Variants in AMOTL1 observed in about 807,000 individuals in gnomAD.
AMOTL1 encodes the protein angiomotin-like protein 1.
Under a neutral mutation model 102.9 loss-of-function variants are expected in AMOTL1, and 45 were observed. The ratio of observed to expected loss-of-function variants is 0.44; its 90% CI spans 0.34 to 0.56. The LOEUF (loss-of-function observed/expected upper bound fraction) is 0.56. Among genes scored for constraint, AMOTL1 ranks in the 20% least tolerant of loss-of-function variants. The probability of loss-of-function intolerance (pLI) is 0.01; values close to 1 mark genes in which losing one functional copy is unlikely to be tolerated. For missense variants in AMOTL1, 1,114 were observed against 1,225.6 expected, an observed-to-expected ratio of 0.91 and a Z score of 1.36; for synonymous variants, 481 against 484.7, an observed-to-expected ratio of 0.99 and a Z score of 0.10.
chr11:94,767,915 C>T (rs1050757606), upstream of AMOTL1, among the ~76,000 whole-genome samples: 6 of 152,134 alleles, frequency 3.9e-5, no homozygotes, highest in African/African-American at 1.2e-4. Context: ...GATGGAAGCA[C>T]TGGGGCCTGG....
upstream of AMOTL1, among the ~76,000 whole-genome samples, chr11:94,764,633 C>G (rs1388395957): frequency 1.3e-5 from 2 of 152,194 alleles, no homozygotes; most frequent in African/African-American, 4.8e-5. Flanking sequence ...TTTGGCTTCT[C>G]TGTCTTTGCA....
Position 94,871,958 on chromosome 11 carries a change from T to TAA in AMOTL1, c.*1164_*1165insAA, listed in dbSNP as rs1953005889. 1 of 151,824 alleles carries TAA rather than the reference T, an allele frequency of 6.6e-6. No homozygotes were observed. The highest frequency in any genetic ancestry group is 6.6e-5 in the Admixed American group (1 of 15,228). 9.4% of individuals were successfully genotyped at this position (151,824 alleles called of 1,614,324 possible). On this transcript the variant is annotated 3_prime_UTR_variant, in exon 13 of 13. Coordinates refer to ENST00000433060, the MANE Select transcript of AMOTL1 (RefSeq NM_130847.3). ...CTTCTTGTATTGAGGCTCATGAGCG[T>TAA]ATTCACACTCTTTCCTCCCCCGCGC...
intron 2 of AMOTL1, among the ~76,000 whole-genome samples, chr11:94,730,021 C>T (rs938409083): frequency 3.9e-5 from 6 of 152,132 alleles, no homozygotes; most frequent in African/African-American, 1.4e-4. Flanking sequence ...AAAGGGAAGA[C>T]AGGAAGCTTT....
intron 1 of AMOTL1, among the ~76,000 whole-genome samples, chr11:94,709,310 G>T (rs1056736897): frequency 6.6e-6 from 1 of 152,084 alleles, no homozygotes; most frequent in African/African-American, 2.4e-5. Context: ...CAGTTACTTT[G>T]GCAGAAGCCA....
intron 3 of AMOTL1, among the ~76,000 whole-genome samples, chr11:94,751,228 TA>T (rs199703799): frequency 2.8e-4 from 42 of 150,802 alleles, no homozygotes; most frequent in African/African-American, 4.6e-4. Flanking sequence ...TATATATATA[TA>T]TTTTTTTTAT....
At position 94,708,574 on chromosome 11, in the gene AMOTL1, T is replaced by C. The variant is rs150083130; in HGVS notation, c.-51+1977T>C. ...AAATGAGAACATTTATGGAAGGCTC[T>C]AAAACATAGCAATTAAAAAATTTTA... is the stretch of plus-strand genomic sequence containing the variant. On this transcript the variant is annotated intron_variant, in intron 1 of 4. Coordinates refer to the AMOTL1 transcript ENST00000299004. Among the ~76,000 whole-genome samples, 244 of 152,322 alleles carry C rather than the reference T, an allele frequency of 1.6e-3. 1 individual carries two copies. The highest frequency in any genetic ancestry group is 5.7e-3 in the African/African-American group (236 of 41,586).
At chr11:94,862,549 TAG>T (rs1319504232) in intron 9 of AMOTL1, among the ~76,000 whole-genome samples, 1 of 152,250 alleles carries the variant, frequency 6.6e-6, no homozygotes, top group African/African-American at 2.4e-5. Context: ...TCAGAATTTT[TAG>T]AGAGTCAGCT....
At chr11:94,841,533 G>T (rs2135689585) in intron 6 of AMOTL1, among the ~76,000 whole-genome samples, 1 of 152,312 alleles carries the variant, frequency 6.6e-6, no homozygotes, top group African/African-American at 2.4e-5. Flanking sequence ...CTTCAGGTTT[G>T]ATTTAAAATG....
intron 1 of AMOTL1, among the ~76,000 whole-genome samples, chr11:94,723,533 C>G (rs2135447706): frequency 6.6e-6 from 1 of 152,202 alleles, no homozygotes; most frequent in South Asian, 2.1e-4. Context: ...ATATTAACAT[C>G]AATAAATTCC....
Position 94,821,527 on chromosome 11 carries a change from C to A in AMOTL1, c.1122-3C>A. On this transcript the variant is annotated splice_region_variant and splice_polypyrimidine_tract_variant and intron_variant, in intron 3 of 12. Transcript: ENST00000433060. ...CTAACTGCTGCCTTCCATTGCCTTG[C>A]AGCCGCCCATGCCAACTTCCGTTCC... 6.2e-7 allele frequency: 1 copy of A among 1,611,394 alleles called. No homozygotes were observed. Among genetic ancestry groups the A allele is most frequent in the Non-Finnish European group, 8.5e-7 (1 of 1,178,190 alleles).
chr11:94,773,970 C>T (rs1035305367), intron 1 of AMOTL1, among the ~76,000 whole-genome samples: 2 of 152,210 alleles, frequency 1.3e-5, no homozygotes, highest in African/African-American at 4.8e-5. Context: ...CGGAATTGTA[C>T]ATGCTGAAGC....
At chr11:94,864,955 G>C in intron 10 of AMOTL1, 95 bp downstream of exon 10, 1 of 1,440,650 alleles carries the variant, frequency 6.9e-7, no homozygotes, top group East Asian at 2.5e-5. Flanking sequence ...CTGAAAGGCT[G>C]TGAGCATGAG....
At chr11:94,748,350 C>T (rs1325673644) in intron 3 of AMOTL1, among the ~76,000 whole-genome samples, 1 of 152,198 alleles carries the variant, frequency 6.6e-6, no homozygotes, top group African/African-American at 2.4e-5. Flanking sequence ...GTGGTGGGCA[C>T]AACCTGAAAG....
chr11:94,861,074 A>G (rs1200768425), intron 9 of AMOTL1, among the ~76,000 whole-genome samples: 1 of 152,084 alleles, frequency 6.6e-6, no homozygotes, highest in East Asian at 1.9e-4. Context: ...GTGGAAAATG[A>G]CCGTTTGGGA....
At chr11:94,862,415 T>G (rs547263329) in intron 9 of AMOTL1, among the ~76,000 whole-genome samples, 50 of 152,310 alleles carry the variant, frequency 3.3e-4, no homozygotes, top group Non-Finnish European at 7.1e-4. Flanking sequence ...TTCCAGCCAT[T>G]AGTTTTGTGA....
At chr11:94,728,773 C>A in intron 1 of AMOTL1, 1 of 349,344 alleles carries the variant, frequency 2.9e-6, no homozygotes, top group South Asian at 2.4e-5. Flanking sequence ...CACACTCAGG[C>A]CATACCCAAA....
intron 3 of AMOTL1, among the ~76,000 whole-genome samples, chr11:94,746,455 C>T (rs532116650): frequency 1.1e-4 from 16 of 152,272 alleles, no homozygotes; most frequent in East Asian, 7.7e-4. Flanking sequence ...ATAGGAGGAA[C>T]GCCATAACCT....
intron 2 of AMOTL1, among the ~76,000 whole-genome samples, chr11:94,738,930 A>T (rs1008930995): frequency 5.3e-5 from 8 of 152,162 alleles, no homozygotes; most frequent in African/African-American, 1.9e-4. Flanking sequence ...GTGTGGTTGG[A>T]GCAGGTCAAG....
At chr11:94,769,122 CCTT>C (rs1279376469) in intron 1 of AMOTL1, among the ~76,000 whole-genome samples, 3 of 152,194 alleles carry the variant, frequency 2.0e-5, no homozygotes, top group South Asian at 2.1e-4. Flanking sequence ...AGCTGCTGCT[CCTT>C]CTTTGTTCTC....
Sources: gnomAD v4.1 joint callset for allele counts (sites outside exome capture counted in the v4.1 genomes callset) on GRCh38, gnomAD v4.1.1 for gene constraint, MANE v1.5 for transcripts, NCBI Gene and HGNC (gene_info 2026-07-23, HGNC 2026-07-21) for gene names.